The following SLC3A2 variants were observed in gnomAD, a reference collection of about 807,000 sequenced individuals.
SLC3A2 encodes solute carrier family 3 member 2.
In SLC3A2, 32 loss-of-function variants were observed where a neutral mutation model predicts 48.5. That is an observed-to-expected ratio of 0.66 (90% confidence interval 0.50 to 0.89). SLC3A2 has a LOEUF of 0.89. Among genes scored for constraint, SLC3A2 ranks in the 40% least tolerant of loss-of-function variants. The pLI is 0.00. For synonymous variants in SLC3A2, 277 were observed against 288.8 expected, an observed-to-expected ratio of 0.96 and a Z score of 0.41; for missense variants, 587 against 680.7, an observed-to-expected ratio of 0.86 and a Z score of 1.53.
At chr11:62,860,469 AAGC>A (rs2085387789) in intron 1 of SLC3A2, among the ~76,000 whole-genome samples, 1 of 152,088 alleles carries the variant, frequency 6.6e-6, no homozygotes, top group Non-Finnish European at 1.5e-5. Context: ...AAAAAAAAAA[AAGC>A]AGTATTGCCG....
At chr11:62,883,958 T>G (rs2085674269) in intron 3 of SLC3A2, 1 of 456,254 alleles carries the variant, frequency 2.2e-6, no homozygotes, top group African/African-American at 2.0e-5. Context: ...GGCCTTGCTC[T>G]GAGCAGTTAT....
exon 1 of SLC3A2, chr11:62,856,205 C>G: frequency 7.5e-7 from 1 of 1,338,380 alleles, no homozygotes; most frequent in Non-Finnish European, 1.0e-6. Context: ...ACTGCCTACC[C>G]TCTAACCCTG....
chr11:62,871,622 C>T (rs1229084814), intron 1 of SLC3A2: 5 of 662,020 alleles, frequency 7.6e-6, no homozygotes, highest in Admixed American at 4.3e-5. Context: ...CAACTCTTGG[C>T]CTCAAGTGAT....
chr11:62,857,037 G>A (rs1450687911), intron 1 of SLC3A2, among the ~76,000 whole-genome samples: 2 of 151,982 alleles, frequency 1.3e-5, no homozygotes, highest in Non-Finnish European at 1.5e-5. Flanking sequence ...TGGTCAGGCC[G>A]GTCTTGAACT....
At chr11:62,883,983 C>T in intron 3 of SLC3A2, 1 of 456,690 alleles carries the variant, frequency 2.2e-6, no homozygotes, top group Non-Finnish European at 4.4e-6. Context: ...CTCACACCTT[C>T]CCCAGGCCTC....
chr11:62,882,362 TG>T (rs34722625), intron 2 of SLC3A2: 109,983 of 293,286 alleles, frequency 0.38, 21,789 homozygotes, highest in South Asian at 0.57. Context: ...TAGGTTTTTT[TG>T]GGGGGGGGGA....
intron 1 of SLC3A2, among the ~76,000 whole-genome samples, chr11:62,875,010 G>A (rs1388961153): frequency 2.6e-5 from 4 of 152,146 alleles, no homozygotes; most frequent in African/African-American, 9.6e-5. Context: ...TGATCTGCCC[G>A]CCTCATTCTT....
intron 1 of SLC3A2, among the ~76,000 whole-genome samples, chr11:62,864,447 C>G (rs1040930541): frequency 2.0e-5 from 3 of 151,982 alleles, no homozygotes; most frequent in Non-Finnish European, 4.4e-5. Flanking sequence ...CACCAGCACG[C>G]CTGGCTAATT....
chr11:62,864,554 C>T (rs1480907456), intron 1 of SLC3A2, among the ~76,000 whole-genome samples: 1 of 151,898 alleles, frequency 6.6e-6, no homozygotes, highest in Non-Finnish European at 1.5e-5. Flanking sequence ...GCAAGCTCCA[C>T]CTCCCGGGTT....
intron 7 of SLC3A2, among the ~76,000 whole-genome samples, chr11:62,887,166 C>T (rs2085725486): frequency 1.3e-5 from 2 of 152,090 alleles, no homozygotes; most frequent in African/African-American, 2.4e-5. Flanking sequence ...ATTAGATATG[C>T]ATAAATAAAA....
chr11:62,858,438 C>T (rs1590612597), intron 1 of SLC3A2, among the ~76,000 whole-genome samples: 1 of 151,986 alleles, frequency 6.6e-6, no homozygotes, highest in South Asian at 2.1e-4. Flanking sequence ...ATTTTTTGGC[C>T]GGGCGTGGTG....
At position 62,885,495 on chromosome 11, in the gene SLC3A2, T is replaced by C. The variant is rs751142724; in HGVS notation, c.1030T>C (p.Leu344=). 1 of 1,614,206 alleles carries C rather than the reference T, an allele frequency of 6.2e-7. No individual in the cohort carries two copies. Residue 344 remains leucine (L), a synonymous_variant, in exon 7 of 9, where the codon TTG becomes CTG. Coordinates refer to ENST00000338663, the MANE Select transcript of SLC3A2 (RefSeq NM_001013251.3). ...LSQARLLTSF[L]PAQLLRLYQL... ...TCAGGCAAGGCTCCTGACTTCCTTC[T>C]TGCCGGCTCAACTTCTCCGACTCTA...
intron 1 of SLC3A2, chr11:62,870,838 GTAA>G (rs57671523): frequency 0.08 from 13,883 of 172,972 alleles, 761 homozygotes; most frequent in Middle Eastern, 0.1. Context: ...GAGATGATAG[GTAA>G]TAATAATAAT....
intron 1 of SLC3A2, among the ~76,000 whole-genome samples, chr11:62,858,051 GA>G (rs927288572): frequency 2.0e-5 from 3 of 150,744 alleles, no homozygotes; most frequent in Non-Finnish European, 3.0e-5. Context: ...ACATAGAAAA[GA>G]AAAAAAAACC....
At position 62,881,605 on chromosome 11, in the gene SLC3A2, C is replaced by T; in HGVS notation, c.424+158C>T. On this transcript the variant is annotated intron_variant, in intron 1 of 8. Coordinates refer to ENST00000338663, the MANE Select transcript of SLC3A2 (RefSeq NM_001013251.3). This position sits in a 1 kb window ranked among gnomAD's most constrained non-coding sequence, Gnocchi z 4.0. ...CCCACCCCCTCCCCGGCACATTGTC[C>T]TTCCCTCCTTTCTTTGAAGAAAGCC... 8.9e-7 allele frequency: 1 copy of T among 1,117,940 alleles called. No homozygotes were observed. Among genetic ancestry groups the T allele is most frequent in the East Asian group, 2.6e-5 (1 of 38,260 alleles). 69.3% of individuals were successfully genotyped at this position (1,117,940 alleles called of 1,614,324 possible). A position where few individuals can be genotyped will look rare whatever the true frequency, so the allele number is the denominator to read the frequency against.
At chr11:62,880,709 G>A (rs1217683223), upstream of SLC3A2, 3 of 305,558 alleles carry the variant, frequency 9.8e-6, no homozygotes, top group Non-Finnish European at 1.8e-5. Flanking sequence ...AGGTTGAAAA[G>A]AACTTTAGGG....
intron 2 of SLC3A2, 73 bp from the exon 3 acceptor site, chr11:62,882,835 T>G: frequency 8.0e-7 from 1 of 1,250,298 alleles, no homozygotes; most frequent in African/African-American, 1.5e-5. Context: ...CTCAGTGACT[T>G]GCATTTGTGA....
At chr11:62,874,161 G>C (rs1193043531) in intron 1 of SLC3A2, among the ~76,000 whole-genome samples, 1 of 151,730 alleles carries the variant, frequency 6.6e-6, no homozygotes, top group Non-Finnish European at 1.5e-5. Flanking sequence ...GAGAAAATGA[G>C]GATGCAGTAT....
intron 3 of SLC3A2, chr11:62,883,366 G>A (rs1326309216): frequency 4.2e-6 from 1 of 240,344 alleles, no homozygotes. Context: ...TTGGAATAGA[G>A]CCCAGTCTGA....
Sources: gnomAD v4.1 joint callset for allele counts (sites outside exome capture counted in the v4.1 genomes callset) on GRCh38, gnomAD v4.1.1 for gene constraint, Gnocchi (gnomAD v3.1) non-coding constraint, MANE v1.5 for transcripts, NCBI Gene and HGNC (gene_info 2026-07-23, HGNC 2026-07-21) for gene names.